Variants in ZNF530 observed in about 807,000 individuals in gnomAD.
ZNF530 encodes zinc finger protein 530.
A neutral mutation model predicts 2.8 loss-of-function variants in ZNF530; 5 were observed. The ratio of observed to expected loss-of-function variants is 1.80; its 90% confidence interval spans 0.94 to 3.78. The LOEUF is 3.78. ZNF530 is among the 30% of genes most tolerant of loss of function. The probability of loss-of-function intolerance (pLI) is 0.00; values close to 1 mark genes in which losing one functional copy is unlikely to be tolerated. For missense variants in ZNF530, 619 were observed against 673.3 expected (o/e 0.92, Z 0.89); for synonymous variants, 229 against 235.0 (o/e 0.97, Z 0.23).
Position 57,600,128 on chromosome 19 carries a change from G to C in ZNF530, c.-128G>C. On this transcript the variant is annotated 5_prime_UTR_variant, in exon 1 of 4. Coordinates refer to ENST00000597700, the MANE Select transcript of ZNF530 (RefSeq NM_001321981.2). ...CGATGGCGGCGGCACTGAGGGCCCC[G>C]ACCCAGGTGAGCGCTGCGTCCTCCC... 1 of 1,569,510 alleles carries C rather than the reference G, an allele frequency of 6.4e-7. No individual in the cohort carries two copies.
intron 3 of ZNF530, chr19:57,605,033 GAGT>G (rs1980429166): frequency 6.5e-6 from 1 of 153,516 alleles, no homozygotes; most frequent in Non-Finnish European, 1.4e-5. Context: ...TGGCCCTAAT[GAGT>G]GACAACTAAG....
At chr19:57,600,854 A>T (rs1172187919) in intron 2 of ZNF530, 75 bp downstream of exon 2, 1 of 152,302 alleles carries the variant, frequency 6.6e-6, no homozygotes, top group Non-Finnish European at 1.5e-5. Context: ...GTGACCTGGG[A>T]TTCTTTACTT....
Position 57,605,615 on chromosome 19 carries a change from GAC to G in ZNF530, c.62-65_62-64del, listed in dbSNP as rs1232842939. ...AAACATTTTCTTAGACTCATTCTTT[GAC>G]ACACATTTTTGATGTAACTTCTCAC... On this transcript the variant is annotated intron_variant, in intron 3 of 3. Transcript: ENST00000597700. The G allele has an allele frequency of 3.5e-6, 5 of 1,441,170 alleles. No individual in the cohort carries two copies. The African/African-American group carries it at 7.2e-5, about 21-fold the overall frequency. The allele number at this position is 1,441,170 out of a possible 1,614,324, so 89.3% of individuals were successfully genotyped here.
chr19:57,600,080 C>T lies in ZNF530; in HGVS notation c.-176C>T, dbSNP rs1319367254. 1.9e-6 allele frequency: 3 copies of T among 1,539,894 alleles called. No homozygotes were observed. The highest frequency in any genetic ancestry group is 1.8e-6 in the Non-Finnish European group (2 of 1,137,788). On this transcript the variant is annotated 5_prime_UTR_variant, in exon 1 of 4. Coordinates refer to ENST00000597700, the MANE Select transcript of ZNF530 (RefSeq NM_001321981.2). ...GTCTCCGCCCGGATCGTCCACCGCT[C>T]CCGGCCCGCTCCGCCCAGAGTCCGA...
chr19:57,606,013 T>C lies in ZNF530; in HGVS notation c.389T>C (p.Val130Ala). The change falls in exon 4 of 4, where the codon GTG becomes GCG. Residue 130 changes from valine (V) to alanine (A), a missense_variant. By Grantham distance (64) the Val-to-Ala change is moderately conservative (BLOSUM62 0). Transcript: ENST00000597700. The stretch of plus-strand genomic sequence containing the variant: ...TTTATGATGAACTGCAGGTTCCATG[T>C]GTCAGGAAAACCCTTCACGTTTGGG... ...ASFMMNCRFH[V>A]SGKPFTFGEV... 1 of 1,614,200 alleles carries C rather than the reference T, an allele frequency of 6.2e-7. No individual in the cohort carries two copies. Among genetic ancestry groups the C allele is most frequent in the Non-Finnish European group, 8.5e-7 (1 of 1,180,044 alleles).
chr19:57,600,545 G>A (rs1980183200), intron 1 of ZNF530, among the ~76,000 whole-genome samples, 183 bp from the exon 2 acceptor site: 1 of 152,212 alleles, frequency 6.6e-6, no homozygotes, highest in South Asian at 2.1e-4. Flanking sequence ...GATGATAGCA[G>A]GCATGGAGGG....
chr19:57,606,082 A>G lies in ZNF530; in HGVS notation c.458A>G (p.His153Arg), dbSNP rs1244318663. 2 of 1,614,230 alleles carry G rather than the reference A, an allele frequency of 1.2e-6. No individual in the cohort carries two copies. The highest frequency in any genetic ancestry group is 1.7e-6 in the Non-Finnish European group (2 of 1,180,046). ...TCAGCCACCTCAGGACTTCTCCAGC[A>G]TCAGGTGACTCCCACCATTGAGAGA... ...DFSATSGLLQ[H>R]QVTPTIERPH... The change falls in exon 4 of 4, where the codon CAT (histidine) becomes CGT (arginine). Residue 153 changes from histidine (H) to arginine (R), a missense_variant. Physicochemically the swap from His to Arg is conservative, Grantham distance 29 (BLOSUM62 0). Transcript: ENST00000597700.
At chr19:57,610,780 C>A (rs915900684), downstream of ZNF530, among the ~76,000 whole-genome samples, 2 of 152,066 alleles carry the variant, frequency 1.3e-5, no homozygotes, top group Non-Finnish European at 2.9e-5. Context: ...ATCAGTAGCC[C>A]CCAAATTCAT....
intron 1 of ZNF530, 78 bp downstream of exon 1, chr19:57,600,212 C>T: frequency 2.0e-6 from 3 of 1,492,752 alleles, no homozygotes; most frequent in Non-Finnish European, 2.7e-6. Context: ...TTCTGCAGCC[C>T]GGACCGCACT....
chr19:57,603,564 G>A (rs1000283954), intron 2 of ZNF530, among the ~76,000 whole-genome samples: 3 of 152,182 alleles, frequency 2.0e-5, no homozygotes, highest in Non-Finnish European at 4.4e-5. Flanking sequence ...TTGAATGAAG[G>A]GTAGCAAGAC....
downstream of ZNF530, chr19:57,612,418 T>C: frequency 5.0e-6 from 2 of 399,906 alleles, no homozygotes; most frequent in Non-Finnish European, 4.4e-6. Context: ...CTTAGAACTA[T>C]GAATAAGCAT....
chr19:57,600,194 G>A lies in ZNF530; in HGVS notation c.-122+60G>A, dbSNP rs1301127258. On this transcript the variant is annotated intron_variant, in intron 1 of 3. Coordinates refer to ENST00000597700, the MANE Select transcript of ZNF530 (RefSeq NM_001321981.2). The stretch of plus-strand genomic sequence containing the variant: ...CCCCACCCGAAACTGAGGGACGCGT[G>A]AAGGGTTTTCTGCAGCCCGGACCGC... 7.2e-6 allele frequency: 11 copies of A among 1,529,472 alleles called. No individual in the cohort carries two copies. In the East Asian group the frequency reaches 2.2e-4, roughly 31 times the overall value. 94.7% of individuals were successfully genotyped at this position (1,529,472 alleles called of 1,614,324 possible). A position where few individuals can be genotyped will look rare whatever the true frequency, so the allele number is the denominator to read the frequency against.
downstream of ZNF530, chr19:57,612,722 A>G (rs1980921610): frequency 5.2e-6 from 2 of 384,204 alleles, no homozygotes; most frequent in Non-Finnish European, 9.2e-6. Context: ...TGGAGACTAA[A>G]CGCTGCTTGT....
At position 57,606,665 on chromosome 19, in the gene ZNF530, G is replaced by A. The variant is rs1980562751; in HGVS notation, c.1041G>A (p.Glu347=). ...TTCACACTGGAGTAAGGCCTTATGA[G>A]TGTAGTGAATGTGGGAAAGCATTTA... ...WRVHTGVRPY[E]CSECGKAFSC... Residue 347 remains glutamate (E), a synonymous_variant, in exon 4 of 4, where the codon GAG becomes GAA. Transcript: ENST00000597700. 2 of 1,613,818 alleles carry A rather than the reference G, an allele frequency of 1.2e-6. No individual in the cohort carries two copies. The highest frequency in any genetic ancestry group is 3.3e-5 in the Admixed American group (2 of 59,990).
chr19:57,607,652 T>C lies in ZNF530; in HGVS notation c.*327T>C, dbSNP rs1980662375. 3.7e-6 allele frequency: 1 copy of C among 272,084 alleles called. No individual in the cohort carries two copies. 16.9% of individuals were successfully genotyped at this position (272,084 alleles called of 1,614,324 possible). On this transcript the variant is annotated 3_prime_UTR_variant, in exon 4 of 4. Transcript: ENST00000597700. ...GAGCCACCATGTCCGGCTTGTGTTGTGACATTTAACACAAGATTTCCCAAA... is the reference window on the plus strand; with the variant it reads ...GAGCCACCATGTCCGGCTTGTGTTGCGACATTTAACACAAGATTTCCCAAA...
In ZNF530 at chr19:57,609,680, AT is replaced by A. The variant is rs1980790341; in HGVS notation, c.*2356del. Among the ~76,000 whole-genome samples the A allele has an allele frequency of 1.3e-5, 2 of 152,204 alleles. No homozygotes were observed. The highest frequency in any genetic ancestry group is 2.9e-5 in the Non-Finnish European group (2 of 68,038). ...ATGTTCCAGTGACTATGACTGCAAG[AT>A]CACTGTGTGCAGAAATCTCTAGAAA... On this transcript the variant is annotated 3_prime_UTR_variant, in exon 4 of 4. Transcript: ENST00000597700.
At position 57,606,503 on chromosome 19, in the gene ZNF530, T is replaced by G. The variant is rs1980548661; in HGVS notation, c.879T>G (p.Ser293Arg). ...VHTGERPYEC[S>R]ECGKSFSHST... ...CTGGAGAAAGGCCTTATGAGTGCAG[T>G]GAATGTGGGAAATCTTTTAGCCACA... Residue 293 changes from serine to arginine, a missense_variant, in exon 4 of 4, where the codon AGT (serine) becomes AGG (arginine). Physicochemically the swap from Ser to Arg is moderately radical, Grantham distance 110. Coordinates refer to ENST00000597700, the MANE Select transcript of ZNF530 (RefSeq NM_001321981.2). The G allele has an allele frequency of 6.2e-7, 1 of 1,613,792 alleles. No individual in the cohort carries two copies. The highest frequency in any genetic ancestry group is 1.1e-5 in the South Asian group (1 of 91,078).
At position 57,600,054 on chromosome 19, in the gene ZNF530, T is replaced by G; in HGVS notation, c.-202T>G. 2 of 1,501,428 alleles carry G rather than the reference T, an allele frequency of 1.3e-6. No homozygotes were observed. The highest frequency in any genetic ancestry group is 1.8e-6 in the Non-Finnish European group (2 of 1,112,422). 93.0% of individuals were successfully genotyped at this position (1,501,428 alleles called of 1,614,324 possible). A position where few individuals can be genotyped will look rare whatever the true frequency, so the allele number is the denominator to read the frequency against. ...CCGGCGGTGGTGACAGCTTTGCTCT[T>G]GTCTCCGCCCGGATCGTCCACCGCT... On this transcript the variant is annotated 5_prime_UTR_variant, in exon 1 of 4. Coordinates refer to ENST00000597700, the MANE Select transcript of ZNF530 (RefSeq NM_001321981.2).
At position 57,609,741 on chromosome 19, in the gene ZNF530, A is replaced by G. The variant is rs1980792521; in HGVS notation, c.*2416A>G. On this transcript the variant is annotated 3_prime_UTR_variant, in exon 4 of 4. Coordinates refer to ENST00000597700, the MANE Select transcript of ZNF530 (RefSeq NM_001321981.2). ...TGTAGCTCAAGTTATTACTAGAGAC[A>G]ACAAGGGTTTTGTGGATTCCTGTAG... Among the ~76,000 whole-genome samples, 1 of 152,218 alleles carries G rather than the reference A, an allele frequency of 6.6e-6. No homozygotes were observed. The highest frequency in any genetic ancestry group is 6.5e-5 in the Admixed American group (1 of 15,286).
Sources: allele counts gnomAD v4.1 joint callset (sites outside exome capture counted in the v4.1 genomes callset), GRCh38; gene constraint gnomAD v4.1.1; transcripts MANE v1.5; gene names NCBI Gene and HGNC (gene_info 2026-07-23, HGNC 2026-07-21).